Variants in THADA observed in about 807,000 individuals in gnomAD.
The protein encoded by THADA is tRNA (32-2'-O)-methyltransferase regulator THADA.
A neutral mutation model predicts 219.8 loss-of-function variants in THADA; 213 were observed. The observed-to-expected ratio is 0.97, with a 90% CI of 0.87 to 1.09. THADA has a LOEUF of 1.09. THADA is among the 50% of genes least tolerant of loss of function. The probability of loss-of-function intolerance (pLI) is 0.00; values close to 1 mark genes in which losing one functional copy is unlikely to be tolerated. For synonymous variants in THADA, 1,018 were observed against 828.9 expected (o/e 1.23, Z -3.92); for missense variants, 2,956 against 2,311.3 (o/e 1.28, Z -5.72).
intron 30 of THADA, among the ~76,000 whole-genome samples, chr2:43,331,206 T>A (rs1029407868): frequency 2.6e-5 from 4 of 152,248 alleles, no homozygotes; most frequent in African/African-American, 9.6e-5. Flanking sequence ...CCCTTTACTG[T>A]TATAAATTCT....
chr2:43,248,160 T>TAGAGAGAGAGAGAGAGAGAGAGAGAG (rs1669399676), intron 36 of THADA, among the ~76,000 whole-genome samples: 1 of 52,794 alleles, frequency 1.9e-5, no homozygotes, highest in Admixed American at 2.2e-4. Context: ...TATATATATA[T>TAGAGAGAGAGAGAGAGAGAGAGAGAG]ATATAGAGAG....
At position 43,581,946 on chromosome 2, in the gene THADA, C is replaced by T; in HGVS notation, c.534-18G>A. ...CACATTTTCTATAAAGAAGAAAAGA[C>T]ATTATTACAAAAGGAAATTCAAACA... On this transcript the variant is annotated intron_variant, in intron 7 of 37. Coordinates refer to ENST00000405975, the MANE Select transcript of THADA (RefSeq NM_022065.5). 6.7e-7 allele frequency: 1 copy of T among 1,492,324 alleles called. No homozygotes were observed. The highest frequency in any genetic ancestry group is 8.9e-7 in the Non-Finnish European group (1 of 1,123,706). 92.4% of individuals were successfully genotyped at this position (1,492,324 alleles called of 1,614,324 possible).
chr2:43,325,304 T>G (rs1679198075), intron 30 of THADA, among the ~76,000 whole-genome samples: 2 of 152,030 alleles, frequency 1.3e-5, no homozygotes, highest in Non-Finnish European at 2.9e-5. Flanking sequence ...GCAGGTTTTT[T>G]TTTTTGGTTT....
At chr2:43,354,434 T>C (rs1003489970) in intron 29 of THADA, among the ~76,000 whole-genome samples, 9 of 152,008 alleles carry the variant, frequency 5.9e-5, no homozygotes, top group Non-Finnish European at 1.0e-4. Flanking sequence ...AGTTACCCTA[T>C]TGTGCTATCA....
chr2:43,475,536 G>C (rs1685427808), intron 26 of THADA, among the ~76,000 whole-genome samples: 1 of 151,296 alleles, frequency 6.6e-6, no homozygotes, highest in African/African-American at 2.4e-5. Flanking sequence ...AAGTGAATTA[G>C]AGTTTATATT....
chr2:43,329,160 G>A (rs1245074707), intron 30 of THADA, among the ~76,000 whole-genome samples: 2 of 152,190 alleles, frequency 1.3e-5, no homozygotes, highest in East Asian at 3.8e-4. Flanking sequence ...TGCTGCCAGA[G>A]TAATTGCTGG....
chr2:43,237,587 G>A (rs1172580185), intron 36 of THADA, among the ~76,000 whole-genome samples: 1 of 151,432 alleles, frequency 6.6e-6, no homozygotes, highest in Non-Finnish European at 1.5e-5. Context: ...TTTTAGTAGA[G>A]ACGGGGTTTC....
At chr2:43,322,887 C>A (rs113759767) in intron 30 of THADA, among the ~76,000 whole-genome samples, 7 of 151,722 alleles carry the variant, frequency 4.6e-5, no homozygotes, top group Non-Finnish European at 2.9e-5. Context: ...GGGGTTTCAC[C>A]GTGTTAGCCA....
At chr2:43,483,978 T>G (rs1285376356) in intron 26 of THADA, among the ~76,000 whole-genome samples, 2 of 151,846 alleles carry the variant, frequency 1.3e-5, no homozygotes, top group Non-Finnish European at 1.5e-5. Context: ...GAGAAACAAA[T>G]ATTAGTGATT....
chr2:43,561,016 C>CAAAAAAA (rs3042329), intron 15 of THADA, among the ~76,000 whole-genome samples: 3 of 92,358 alleles, frequency 3.2e-5, no homozygotes, highest in Admixed American at 1.3e-4. Context: ...GACTTGGTCT[C>CAAAAAAA]AAAAAAAAAA....
At chr2:43,594,532 C>T (rs529737467) in intron 1 of THADA, among the ~76,000 whole-genome samples, 3 of 151,948 alleles carry the variant, frequency 2.0e-5, no homozygotes, top group South Asian at 2.1e-4. Flanking sequence ...TGCAGTGAGC[C>T]GAGATCGTGC....
chr2:43,425,631 A>G (rs559829633), intron 28 of THADA, among the ~76,000 whole-genome samples: 23 of 152,334 alleles, frequency 1.5e-4, no homozygotes, highest in East Asian at 1.3e-3. Flanking sequence ...CAGAATTTAT[A>G]TGATAGCCAA....
chr2:43,233,967 C>T (rs959332292), intron 36 of THADA, among the ~76,000 whole-genome samples: 1 of 152,128 alleles, frequency 6.6e-6, no homozygotes, highest in Non-Finnish European at 1.5e-5. Context: ...ACAGACTTAC[C>T]CTGACCATCT....
Position 43,455,229 on chromosome 2 carries a change from G to A in THADA, c.3837-24927C>T, listed in dbSNP as rs556349954. 3.9e-5 allele frequency among the ~76,000 whole-genome samples: 6 copies of A among 152,034 alleles called. No individual in the cohort carries two copies. The South Asian group carries it at 1.2e-3, about 32-fold the overall frequency. On this transcript the variant is annotated intron_variant, in intron 26 of 37. Transcript: ENST00000405975. ...CTAGTATGTACTGAAATTTTTACTT[G>A]GGCTATCATATTTTTTAATTTTCTA...
intron 36 of THADA, among the ~76,000 whole-genome samples, chr2:43,264,560 C>T (rs932582254): frequency 3.3e-5 from 5 of 152,158 alleles, no homozygotes; most frequent in Non-Finnish European, 7.3e-5. Context: ...GCTGGGATTA[C>T]AGGCATGAGC....
At position 43,498,819 on chromosome 2, in the gene THADA, G is replaced by C. The variant is rs2105060930; in HGVS notation, c.3744+14C>G. On this transcript the variant is annotated intron_variant, in intron 25 of 37. Coordinates refer to ENST00000405975, the MANE Select transcript of THADA (RefSeq NM_022065.5). Reference sequence around the variant, plus strand: ...ATAATTAAATCAATGAAAATAAATAGTGACAGCACTTACTGCCCAGACCGG... The same window carrying C: ...ATAATTAAATCAATGAAAATAAATACTGACAGCACTTACTGCCCAGACCGG... 1.9e-6 allele frequency: 3 copies of C among 1,608,176 alleles called. No homozygotes were observed. Among genetic ancestry groups the C allele is most frequent in the Non-Finnish European group, 2.5e-6 (3 of 1,178,244 alleles).
At chr2:43,385,421 A>G (rs528356135) in intron 29 of THADA, among the ~76,000 whole-genome samples, 3 of 152,006 alleles carry the variant, frequency 2.0e-5, no homozygotes, top group Non-Finnish European at 4.4e-5. Flanking sequence ...CCTGGCTAAC[A>G]TGGTGAAACC....
At position 43,576,974 on chromosome 2, in the gene THADA, A is replaced by G. The variant is rs183362889; in HGVS notation, c.1037+48T>C. 5.9e-6 allele frequency: 9 copies of G among 1,529,322 alleles called. No individual in the cohort carries two copies. In the Admixed American group the frequency reaches 1.1e-4, roughly 19 times the overall value. 94.7% of individuals were successfully genotyped at this position (1,529,322 alleles called of 1,614,324 possible). ...CCAGCTTTTGGACTGCATCTTCTAA[A>G]TGTCTTACAAGTGAAACAAAATATG... On this transcript the variant is annotated intron_variant, in intron 10 of 37. Transcript: ENST00000405975.
At chr2:43,272,397 G>A (rs1203107760) in intron 36 of THADA, among the ~76,000 whole-genome samples, 16 of 152,352 alleles carry the variant, frequency 1.1e-4, no homozygotes, top group African/African-American at 3.6e-4. Flanking sequence ...AGACCAGGCT[G>A]TAGAAGTCTG....
Sources: gnomAD v4.1 joint callset for allele counts (sites outside exome capture counted in the v4.1 genomes callset) on GRCh38, gnomAD v4.1.1 for gene constraint, MANE v1.5 for transcripts, NCBI Gene and HGNC (gene_info 2026-07-23, HGNC 2026-07-21) for gene names.